Variants in CYSLTR1 observed in about 807,000 individuals in gnomAD.
The protein encoded by CYSLTR1 is G-protein coupled receptor HG55.
CYSLTR1 carries 1 observed loss-of-function variant against 2.1 expected under a neutral mutation model. The observed-to-expected ratio is 0.48, with a 90% CI of 0.17 to 2.28. CYSLTR1 has a LOEUF of 2.28. Among genes scored for constraint, CYSLTR1 ranks in the 30% most tolerant of loss-of-function variants. The pLI is 0.26. For synonymous variants in CYSLTR1, 110 were observed against 89.6 expected (o/e 1.23, Z -1.28); for missense variants, 299 against 250.1 (o/e 1.20, Z -1.32).
In CYSLTR1 at chrX:78,273,399, G is replaced by T. The variant is rs1202287117; in HGVS notation, c.348C>A (p.Ala116=). ...TTGCAATGCACCGGAAAAAGCTCAT[G>T]GCTGTCATAAAGAAGATGCTACAAT... The part of the protein sequence containing the change: ...NLYCSIFFMT[A]MSFFRCIAIV... The change falls in exon 3 of 3, where the codon GCC becomes GCA. Residue 116 remains alanine (A), a synonymous_variant. Coordinates refer to ENST00000373304, the MANE Select transcript of CYSLTR1 (RefSeq NM_006639.4). 8.3e-7 allele frequency: 1 copy of T among 1,211,361 alleles called. No individual in the cohort carries two copies. Among genetic ancestry groups the T allele is most frequent in the Non-Finnish European group, 1.1e-6 (1 of 895,362 alleles).
chrX:78,281,890 A>G (rs901373218), intron 2 of CYSLTR1, among the ~76,000 whole-genome samples: 1 of 111,759 alleles, frequency 8.9e-6, no homozygotes, highest in Non-Finnish European at 1.9e-5. Context: ...CAATTATGAC[A>G]TGTCTTCCTT....
At chrX:78,288,194 C>A (rs1351971374) in intron 1 of CYSLTR1, among the ~76,000 whole-genome samples, 1 of 109,909 alleles carries the variant, frequency 9.1e-6, no homozygotes, top group Admixed American at 9.8e-5. Flanking sequence ...CAGACTGAGA[C>A]CTTGTCTCTT....
chrX:78,319,635 T>G (rs1324633603), intron 1 of CYSLTR1: 1 of 111,692 alleles, frequency 9.0e-6, no homozygotes, highest in Non-Finnish European at 1.9e-5. Flanking sequence ...TACCCAGTAA[T>G]GGGATGGCTA....
chrX:78,283,965 T>C (rs1344467930), intron 1 of CYSLTR1, among the ~76,000 whole-genome samples: 1 of 112,028 alleles, frequency 8.9e-6, no homozygotes, highest in Non-Finnish European at 1.9e-5. Context: ...ACATTAAAAA[T>C]ATCAAGTATA....
chrX:78,313,504 A>G (rs1007662624), intron 1 of CYSLTR1, among the ~76,000 whole-genome samples: 2 of 112,148 alleles, frequency 1.8e-5, no homozygotes, highest in Non-Finnish European at 3.8e-5. Context: ...CAACAATAGA[A>G]TGCAACCAAA....
intron 1 of CYSLTR1, among the ~76,000 whole-genome samples, chrX:78,295,130 A>G: frequency 8.9e-6 from 1 of 112,189 alleles, no homozygotes; most frequent in Admixed American, 9.4e-5. Context: ...ACCAATGTTT[A>G]TCTTTCTGTG....
At chrX:78,324,105 C>T (rs1923772653) in intron 1 of CYSLTR1, among the ~76,000 whole-genome samples, 1 of 111,684 alleles carries the variant, frequency 9.0e-6, no homozygotes, top group Admixed American at 9.5e-5. Flanking sequence ...TGGGATGAGA[C>T]AGAATGAAGC....
chrX:78,301,115 G>T (rs1922803499), intron 1 of CYSLTR1, among the ~76,000 whole-genome samples: 1 of 111,987 alleles, frequency 8.9e-6, no homozygotes, highest in Non-Finnish European at 1.9e-5. Flanking sequence ...GGGGTTCCTG[G>T]GCCTGGCCCA....
intron 1 of CYSLTR1, among the ~76,000 whole-genome samples, chrX:78,297,454 G>T (rs746968743): frequency 7.2e-5 from 8 of 111,420 alleles, no homozygotes; most frequent in Non-Finnish European, 1.3e-4. Flanking sequence ...ATAGTTTGAA[G>T]ATTGGTATGA....
intron 2 of CYSLTR1, among the ~76,000 whole-genome samples, 174 bp downstream of exon 2, chrX:78,283,280 G>C (rs1353568699): frequency 1.8e-5 from 2 of 111,841 alleles, no homozygotes; most frequent in African/African-American, 6.5e-5. Flanking sequence ...GTGTGAAGAG[G>C]TTACAATACA....
intron 1 of CYSLTR1, among the ~76,000 whole-genome samples, chrX:78,311,412 G>A (rs755825352): frequency 2.7e-5 from 3 of 111,523 alleles, no homozygotes; most frequent in Admixed American, 9.6e-5. Context: ...ATCTAAAACC[G>A]GGGGCCACAG....
At position 78,327,456 on chromosome X, in the gene CYSLTR1, G is replaced by A. The variant is rs1421116404; in HGVS notation, c.-266C>T. 8.9e-6 allele frequency: 1 copy of A among 112,073 alleles called. No homozygotes were observed. Among genetic ancestry groups the A allele is most frequent in the Non-Finnish European group, 1.9e-5 (1 of 53,240 alleles). The allele number at this position is 112,073 out of a possible 1,213,427, so 9.2% of individuals were successfully genotyped here. ...CTTGATACCCTGTAGGGTCGTAAAA[G>A]CACAGTCCATTCACAGAGTGCCTGC... On this transcript the variant is annotated 5_prime_UTR_variant, in exon 1 of 3. Coordinates refer to ENST00000373304, the MANE Select transcript of CYSLTR1 (RefSeq NM_006639.4).
chrX:78,286,762 A>G (rs1922093074), intron 1 of CYSLTR1, among the ~76,000 whole-genome samples: 1 of 109,037 alleles, frequency 9.2e-6, no homozygotes, highest in Non-Finnish European at 1.9e-5. Context: ...AAAAAAACTG[A>G]CAAACAGCTT....
intron 1 of CYSLTR1, among the ~76,000 whole-genome samples, chrX:78,303,008 T>G (rs1271729173): frequency 9.0e-6 from 1 of 111,448 alleles, no homozygotes; most frequent in Non-Finnish European, 1.9e-5. Flanking sequence ...GGAGTTGCAG[T>G]CCTTGTGGCC....
intron 1 of CYSLTR1, among the ~76,000 whole-genome samples, chrX:78,315,547 A>G (rs1923384594): frequency 9.0e-6 from 1 of 111,287 alleles, no homozygotes; most frequent in Non-Finnish European, 1.9e-5. Context: ...GGTGAGTCCC[A>G]GGCTGGGCAG....
At position 78,288,749 on chromosome X, in the gene CYSLTR1, A is replaced by G. The variant is rs181090271; in HGVS notation, c.-114-5209T>C. Among the ~76,000 whole-genome samples the G allele has an allele frequency of 6.3e-5, 7 of 111,231 alleles. No homozygotes were observed. In the East Asian group the frequency reaches 2.0e-3, roughly 32 times the overall value. ...CTCTTTTAGTTATTTAAAATGTACA[A>G]ATAAATTATTATTCACTATAGTCAC... On this transcript the variant is annotated intron_variant, in intron 1 of 2. Transcript: ENST00000373304.
rs191662803 is a variant in CYSLTR1 at position 78,286,436 on chromosome X, T to A, written c.-114-2896A>T. On this transcript the variant is annotated intron_variant, in intron 1 of 2. Transcript: ENST00000373304. Reference sequence around the variant, plus strand: ...TTATGTACAAGTCTCTATATGGGCATGTTTTCACTTTTCTTGGGTAGCTGG... The same window carrying A: ...TTATGTACAAGTCTCTATATGGGCAAGTTTTCACTTTTCTTGGGTAGCTGG... Among the ~76,000 whole-genome samples, 254 of 111,992 alleles carry A rather than the reference T, an allele frequency of 2.3e-3. 2 individuals are homozygous for A. The highest frequency in any genetic ancestry group is 2.9e-3 in the Non-Finnish European group (154 of 53,213).
At chrX:78,282,883 T>C (rs1377363981) in intron 2 of CYSLTR1, among the ~76,000 whole-genome samples, 1 of 112,223 alleles carries the variant, frequency 8.9e-6, no homozygotes, top group African/African-American at 3.2e-5. Flanking sequence ...AAACAGATGG[T>C]CTATAGTCTC....
intron 1 of CYSLTR1, chrX:78,318,817 T>TA (rs1393657764): frequency 9.0e-6 from 1 of 111,247 alleles, no homozygotes; most frequent in East Asian, 2.8e-4. Context: ...GACTCCACCC[T>TA]ATCCTTATTT....
Sources: allele counts gnomAD v4.1 joint callset (sites outside exome capture counted in the v4.1 genomes callset), GRCh38; gene constraint gnomAD v4.1.1; transcripts MANE v1.5; gene names NCBI Gene and HGNC (gene_info 2026-07-23, HGNC 2026-07-21).